The following GMDS variants were observed in gnomAD, a reference collection of about 807,000 sequenced individuals.
GMDS encodes GDP-mannose 4,6 dehydratase.
GMDS carries 20 observed loss-of-function variants against 49.9 expected under a neutral mutation model. The ratio of observed to expected loss-of-function variants is 0.40; its 90% CI spans 0.28 to 0.58. GMDS has a LOEUF of 0.58. Ranked by LOEUF, GMDS falls within the 20% of genes least tolerant of loss-of-function variation. The pLI is 0.42. For missense variants in GMDS, 362 were observed against 481.4 expected (o/e 0.75, Z 2.32); for synonymous variants, 177 against 178.6 (o/e 0.99, Z 0.07).
intron 1 of GMDS, among the ~76,000 whole-genome samples, chr6:2,172,317 G>A (rs932923322): frequency 6.6e-6 from 1 of 152,042 alleles, no homozygotes; most frequent in Non-Finnish European, 1.5e-5. Flanking sequence ...AGAATTCAAG[G>A]CAAAAGTATT....
At chr6:2,097,475 T>C (rs550879333) in intron 4 of GMDS, among the ~76,000 whole-genome samples, 2 of 152,306 alleles carry the variant, frequency 1.3e-5, no homozygotes, top group East Asian at 3.9e-4. Context: ...TGAATGTAAA[T>C]TATGCCTGGC....
intron 4 of GMDS, among the ~76,000 whole-genome samples, chr6:2,088,821 T>C (rs1581634327): frequency 6.6e-6 from 1 of 151,930 alleles, no homozygotes; most frequent in Admixed American, 6.6e-5. Flanking sequence ...TCAATGGGTA[T>C]TGGGGATACA....
Position 1,967,389 on chromosome 6 carries a change from A to G in GMDS, c.346-6423T>C, listed in dbSNP as rs1561931731. Among the ~76,000 whole-genome samples the G allele has an allele frequency of 2.0e-5, 3 of 152,332 alleles. No individual in the cohort carries two copies. The East Asian group carries it at 5.8e-4, about 29-fold the overall frequency. Reference sequence around the variant, plus strand: ...TAAACTAATGAGAAATCTAAATGTCAAATATACAAACATCAACACAAAAAC... The same window carrying G: ...TAAACTAATGAGAAATCTAAATGTCGAATATACAAACATCAACACAAAAAC... On this transcript the variant is annotated intron_variant, in intron 4 of 10. Transcript: ENST00000380815.
At chr6:1,737,965 T>TACAC (rs746445507) in intron 8 of GMDS, among the ~76,000 whole-genome samples, 1 of 109,932 alleles carries the variant, frequency 9.1e-6, no homozygotes, top group African/African-American at 3.7e-5. Context: ...CACACATACA[T>TACAC]ACACACACAT....
intron 4 of GMDS, among the ~76,000 whole-genome samples, chr6:2,080,312 TG>T (rs1772606348): frequency 6.6e-6 from 1 of 152,206 alleles, no homozygotes; most frequent in Admixed American, 6.5e-5. Flanking sequence ...CAGGATTTCG[TG>T]AATTTCTTTT....
At chr6:2,150,611 T>C (rs1371403958) in intron 1 of GMDS, among the ~76,000 whole-genome samples, 1 of 152,188 alleles carries the variant, frequency 6.6e-6, no homozygotes, top group African/African-American at 2.4e-5. Flanking sequence ...CTTCACACCC[T>C]AAAGTAATCT....
intron 7 of GMDS, among the ~76,000 whole-genome samples, chr6:1,878,507 C>T (rs993621724): frequency 6.6e-6 from 1 of 151,994 alleles, no homozygotes; most frequent in African/African-American, 2.4e-5. Context: ...CAGACACAGA[C>T]ATGTGACATC....
intron 1 of GMDS, among the ~76,000 whole-genome samples, chr6:2,209,772 T>A (rs9392373): frequency 0.14 from 21,668 of 151,992 alleles, 1,626 homozygotes; most frequent in Middle Eastern, 0.23. Context: ...GGAAAATCTA[T>A]CTTCGGGGTT....
chr6:1,679,744 A>G (rs1183167620), intron 9 of GMDS: 2 of 152,232 alleles, frequency 1.3e-5, no homozygotes, highest in African/African-American at 2.4e-5. Flanking sequence ...CAGTCAAATA[A>G]TATCTTGAGC....
chr6:1,979,783 G>T (rs547929373), intron 4 of GMDS, among the ~76,000 whole-genome samples: 2 of 152,086 alleles, frequency 1.3e-5, no homozygotes, highest in Non-Finnish European at 2.9e-5. Context: ...AAAATGTTGA[G>T]GGCAGCCAGA....
At chr6:2,181,174 CAAAAA>C (rs755377915) in intron 1 of GMDS, among the ~76,000 whole-genome samples, 2 of 51,336 alleles carry the variant, frequency 3.9e-5, no homozygotes, top group Non-Finnish European at 4.6e-5. Flanking sequence ...GACTCCATCT[CAAAAA>C]AAAAAAAAAA....
At chr6:1,926,948 T>G (rs1453883127) in intron 7 of GMDS, among the ~76,000 whole-genome samples, 2 of 152,240 alleles carry the variant, frequency 1.3e-5, no homozygotes, top group Non-Finnish European at 2.9e-5. Flanking sequence ...TGTCTCTCCA[T>G]GGAATCTGAC....
chr6:2,192,515 G>A (rs947915313), intron 1 of GMDS, among the ~76,000 whole-genome samples: 1 of 152,214 alleles, frequency 6.6e-6, no homozygotes, highest in Non-Finnish European at 1.5e-5. Context: ...GTCCTTCAAG[G>A]AGCCCTGACC....
chr6:2,098,009 GAA>G (rs59289927), intron 4 of GMDS, among the ~76,000 whole-genome samples: 1 of 134,658 alleles, frequency 7.4e-6, no homozygotes. Context: ...TATGTTTTAA[GAA>G]AAAAAAAAAA....
chr6:1,791,078 A>G (rs1769521424), intron 7 of GMDS, among the ~76,000 whole-genome samples: 1 of 152,222 alleles, frequency 6.6e-6, no homozygotes. Flanking sequence ...GAGAGCCACA[A>G]GCCAAGAAAT....
chr6:2,065,745 A>G lies in GMDS; in HGVS notation c.345+50026T>C, dbSNP rs554070128. 1.5e-4 allele frequency among the ~76,000 whole-genome samples: 23 copies of G among 152,290 alleles called. No individual in the cohort carries two copies. The East Asian group carries it at 4.4e-3, about 29-fold the overall frequency. On this transcript the variant is annotated intron_variant, in intron 4 of 10. Transcript: ENST00000380815. ...AAAAAAGAATAAAAAGAAACGAGCAAAGCCTCCAAGAAATATGGGACTATG... is the reference window on the plus strand; with the variant it reads ...AAAAAAGAATAAAAAGAAACGAGCAGAGCCTCCAAGAAATATGGGACTATG...
At chr6:2,009,269 A>C (rs551597049) in intron 4 of GMDS, among the ~76,000 whole-genome samples, 1 of 152,204 alleles carries the variant, frequency 6.6e-6, no homozygotes, top group Non-Finnish European at 1.5e-5. Flanking sequence ...GTGACCAACC[A>C]ACTCTCAACA....
chr6:2,234,228 A>G (rs1293506329), intron 1 of GMDS, among the ~76,000 whole-genome samples: 1 of 152,190 alleles, frequency 6.6e-6, no homozygotes, highest in Non-Finnish European at 1.5e-5. Flanking sequence ...ATTCCTTCCT[A>G]TCCATCATAC....
At chr6:2,118,664 T>G (rs1480915059) in intron 2 of GMDS, among the ~76,000 whole-genome samples, 1 of 152,210 alleles carries the variant, frequency 6.6e-6, no homozygotes, top group African/African-American at 2.4e-5. Context: ...ATATTTCTGT[T>G]GGTTAGTTGC....
Sources: gnomAD v4.1 joint callset for allele counts (sites outside exome capture counted in the v4.1 genomes callset) on GRCh38, gnomAD v4.1.1 for gene constraint, MANE v1.5 for transcripts, NCBI Gene and HGNC (gene_info 2026-07-23, HGNC 2026-07-21) for gene names.